LTB: variants seen among roughly 807,000 people sequenced by gnomAD.
LTB encodes the protein lymphotoxin-beta.
In LTB, 17 loss-of-function variants were observed where a neutral mutation model predicts 14.7. That is an observed-to-expected ratio of 1.16 (90% CI 0.79 to 1.73). The LOEUF (loss-of-function observed/expected upper bound fraction) is 1.73. Ranked by LOEUF, LTB falls within the 40% of genes most tolerant of loss-of-function variation. LTB has a pLI of 0.00. For missense variants in LTB, 288 were observed against 324.3 expected (o/e 0.89, Z 0.86); for synonymous variants, 163 against 157.3 (o/e 1.04, Z -0.27).
At position 31,581,610 on chromosome 6, in the gene LTB, C is replaced by G. The variant is rs1454662005; in HGVS notation, c.229G>C (p.Glu77Gln). Reference protein sequence around the residue: ...QGLGFQKLPEEEPETDLSPGL... With the variant: ...QGLGFQKLPEQEPETDLSPGL... ...GGGCTGAGATCTGTTTCTGGCTCCT[C>G]CTCTGGCAGCTTCTGAAACCCTGGA... is the stretch of plus-strand genomic sequence containing the variant. Residue 77 changes from glutamate to glutamine, a missense_variant, in exon 3 of 4, where the codon GAG becomes CAG. Transcript: ENST00000429299. The G allele has an allele frequency of 6.2e-6, 10 of 1,612,764 alleles. No individual in the cohort carries two copies. Among genetic ancestry groups the G allele is most frequent in the Non-Finnish European group, 7.6e-6 (9 of 1,179,984 alleles).
rs1274399710 is a variant in LTB, at chr6:31,581,539, C to G, written c.280+20G>C. 6.2e-7 allele frequency: 1 copy of G among 1,608,960 alleles called. No homozygotes were observed. Among genetic ancestry groups the G allele is most frequent in the Non-Finnish European group, 8.5e-7 (1 of 1,176,324 alleles). On this transcript the variant is annotated intron_variant, in intron 3 of 3. Coordinates refer to ENST00000429299, the MANE Select transcript of LTB (RefSeq NM_002341.2). The stretch of plus-strand genomic sequence containing the variant: ...CCTTCGGATTATTTACACTCTTATT[C>G]AGGTCTTGGAGGTCCTTACCTATGA...
At position 31,581,814 on chromosome 6, in the gene LTB, C is replaced by G. The variant is rs749816841; in HGVS notation, c.208G>C (p.Gly70Arg). 3.7e-6 allele frequency: 6 copies of G among 1,610,674 alleles called. No individual in the cohort carries two copies. The highest frequency in any genetic ancestry group is 1.7e-4 in the Middle Eastern group (1 of 6,048). ...DPGAQAQQGLGFQKLPEEEPE... is the reference protein window; with the variant it reads ...DPGAQAQQGLRFQKLPEEEPE... ...GGAAGGAGAGACAGTCTGCTCTTACCCAGTCCTTGCTGGGCCTGTGCCCCG... is the reference window on the plus strand; with the variant it reads ...GGAAGGAGAGACAGTCTGCTCTTACGCAGTCCTTGCTGGGCCTGTGCCCCG... The change falls in exon 2 of 4, where the codon GGG (glycine) becomes CGG (arginine). Residue 70 changes from glycine to arginine, a missense_variant and splice_region_variant. Gly to Arg is a moderately radical substitution (Grantham distance 125, BLOSUM62 -2). Around this residue, in one of 2 missense-constraint regions of LTB, gnomAD observed 284 missense variants for 299.2 expected, o/e 0.95. Coordinates refer to ENST00000429299, the MANE Select transcript of LTB (RefSeq NM_002341.2).
At chr6:31,582,182 C>T (rs1562487414) in intron 1 of LTB, 74 bp downstream of exon 1, 3 of 1,575,382 alleles carry the variant, frequency 1.9e-6, no homozygotes, top group Non-Finnish European at 1.7e-6. Flanking sequence ...GGGCAAAAGA[C>T]CACAGGCACA....
chr6:31,582,350 A>T lies in LTB; in HGVS notation c.68T>A (p.Val23Glu), dbSNP rs1367213677. 1 of 1,612,870 alleles carries T rather than the reference A, an allele frequency of 6.2e-7. No homozygotes were observed. The highest frequency in any genetic ancestry group is 1.7e-5 in the Admixed American group (1 of 60,000). ...GGTCACCAGAGAAGTGGCTCCTGCC[A>T]CAGCTAGCAGGAGGGAACCCCTCCC... ...LQGRGSLLLA[V>E]AGATSLVTLL... Residue 23 changes from valine (V) to glutamate (E), a missense_variant, in exon 1 of 4, where the codon GTG (valine) becomes GAG (glutamate). Val to Glu is a moderately radical substitution (Grantham distance 121). Transcript: ENST00000429299.
At chr6:31,582,113 G>A (rs1196109931) in intron 1 of LTB, 143 bp downstream of exon 1, 1 of 981,592 alleles carries the variant, frequency 1.0e-6, no homozygotes, top group South Asian at 1.5e-5. Context: ...CATGGAAAGA[G>A]AGTCAGCAAA....
chr6:31,580,667 G>C lies in LTB; in HGVS notation c.*42C>G, dbSNP rs748778397. The C allele has an allele frequency of 6.5e-7, 1 of 1,545,848 alleles. No homozygotes were observed. Among genetic ancestry groups the C allele is most frequent in the Non-Finnish European group, 8.8e-7 (1 of 1,134,822 alleles). Reference sequence around the variant, plus strand: ...CTGCCATGGGGTCCTGGGCGTCCGGGCCCCCAATATTCACGCACTCGCACC... The same window carrying C: ...CTGCCATGGGGTCCTGGGCGTCCGGCCCCCCAATATTCACGCACTCGCACC... On this transcript the variant is annotated 3_prime_UTR_variant, in exon 4 of 4. Coordinates refer to ENST00000429299, the MANE Select transcript of LTB (RefSeq NM_002341.2). This position sits in a 1 kb window ranked among gnomAD's most constrained non-coding sequence, Gnocchi z 6.6.
Position 31,581,183 on chromosome 6 carries a change from C to T in LTB, c.281-20G>A. On this transcript the variant is annotated intron_variant, in intron 3 of 3. Coordinates refer to ENST00000429299, the MANE Select transcript of LTB (RefSeq NM_002341.2). ...GAGCGCCTGCGGAGACACGGGCCGA[C>T]GCGCTCTTGGGAATGCGATCCTAAA... 6.6e-7 allele frequency: 1 copy of T among 1,514,900 alleles called. No individual in the cohort carries two copies. Among genetic ancestry groups the T allele is most frequent in the Non-Finnish European group, 8.8e-7 (1 of 1,133,916 alleles). 93.8% of individuals were successfully genotyped at this position (1,514,900 alleles called of 1,614,324 possible).
chr6:31,581,654 ATTGGGG>A (rs1771524500), intron 2 of LTB, 24 bp from the exon 3 acceptor site: 5 of 1,611,620 alleles, frequency 3.1e-6, no homozygotes, highest in African/African-American at 1.3e-5. Context: ...AGAGTCCACG[ATTGGGG>A]GCAGGGCAGC....
chr6:31,581,489 G>T, intron 3 of LTB, 70 bp downstream of exon 3: 1 of 1,434,678 alleles, frequency 7.0e-7, no homozygotes, highest in Non-Finnish European at 9.8e-7. Flanking sequence ...TGGAGCCGAA[G>T]GACTCTGGGC....
At position 31,580,988 on chromosome 6, in the gene LTB, G is replaced by A. The variant is rs1771457679; in HGVS notation, c.456C>T (p.Pro152=). 6.4e-7 allele frequency: 1 copy of A among 1,564,390 alleles called. No individual in the cohort carries two copies. The highest frequency in any genetic ancestry group is 1.4e-5 in the African/African-American group (1 of 73,644). The part of the protein sequence containing the change: ...RGRAPPGGGD[P]QGRSVTLRSS... ...TGCGCAGCGTGACCGAGCGGCCCTG[G>A]GGGTCCCCGCCGCCAGGGGGCGCCC... Residue 152 remains proline (P), a synonymous_variant, in exon 4 of 4, where the codon CCC becomes CCT. Transcript: ENST00000429299. This position sits in a 1 kb window ranked among gnomAD's most constrained non-coding sequence, Gnocchi z 6.6.
intron 1 of LTB, 155 bp downstream of exon 1, chr6:31,582,101 A>G (rs1771584445): frequency 1.1e-6 from 1 of 918,832 alleles, no homozygotes; most frequent in Non-Finnish European, 1.7e-6. Flanking sequence ...ACATCACAGG[A>G]ACATGGAAAG....
chr6:31,581,752 C>T (rs1176883613), intron 2 of LTB, 62 bp downstream of exon 2: 36 of 1,607,186 alleles, frequency 2.2e-5, no homozygotes, highest in Non-Finnish European at 2.9e-5. Flanking sequence ...TCTGGGGACG[C>T]AGCAGGGAGC....
chr6:31,581,845 G>A lies in LTB; in HGVS notation c.177C>T (p.Ala59=), dbSNP rs1351900891. 4 of 1,597,448 alleles carry A rather than the reference G, an allele frequency of 2.5e-6. No homozygotes were observed. Among genetic ancestry groups the A allele is most frequent in the African/African-American group, 2.7e-5 (2 of 74,258 alleles). Reference sequence around the variant, plus strand: ...CTTGCTGGGCCTGTGCCCCGGGGTCGGCCGTCTCCGTTACCTGGTTGGGTG... The same window carrying A: ...CTTGCTGGGCCTGTGCCCCGGGGTCAGCCGTCTCCGTTACCTGGTTGGGTG... ...QDQGGLVTET[A]DPGAQAQQGL... The change falls in exon 2 of 4, where the codon GCC becomes GCT. Residue 59 remains alanine, a synonymous_variant. Coordinates refer to ENST00000429299, the MANE Select transcript of LTB (RefSeq NM_002341.2).
rs572807966 is a variant in LTB at position 31,581,098 on chromosome 6, C to T, written c.346G>A (p.Gly116Arg). 6.2e-7 allele frequency: 1 copy of T among 1,607,366 alleles called. No homozygotes were observed. The highest frequency in any genetic ancestry group is 1.3e-5 in the African/African-American group (1 of 74,824). ...TTKEQAFLTS[G>R]TQFSDAEGLA... ...CCCTCGGCGTCCGAGAACTGCGTCCCGCTCGTCAGAAACGCCTGTTCCTTC... is the reference window on the plus strand; with the variant it reads ...CCCTCGGCGTCCGAGAACTGCGTCCTGCTCGTCAGAAACGCCTGTTCCTTC... Residue 116 changes from glycine (G) to arginine (R), a missense_variant, in exon 4 of 4, where the codon GGG becomes AGG. This residue lies in a region of LTB where 284 missense variants were observed against 299.2 expected (regional missense o/e 0.95). Coordinates refer to ENST00000429299, the MANE Select transcript of LTB (RefSeq NM_002341.2).
chr6:31,582,105 T>C (rs1771584725), intron 1 of LTB, 151 bp downstream of exon 1: 2 of 942,882 alleles, frequency 2.1e-6, no homozygotes, highest in Non-Finnish European at 3.3e-6. Flanking sequence ...CACAGGAACA[T>C]GGAAAGAGAG....
intron 3 of LTB, 114 bp downstream of exon 3, chr6:31,581,445 C>T: frequency 2.9e-6 from 3 of 1,018,582 alleles, no homozygotes; most frequent in Non-Finnish European, 4.6e-6. Context: ...GACAAAAGGT[C>T]GTGAAGCGGG....
Position 31,580,566 on chromosome 6 carries a change from C to T in LTB, c.*143G>A. ...TGTCGCAACTCAGCATCTTTATCGG[C>T]AGCACTGAAGCTTTCCATTCTTTAT... is the stretch of plus-strand genomic sequence containing the variant. On this transcript the variant is annotated 3_prime_UTR_variant, in exon 4 of 4. Transcript: ENST00000429299. This position sits in a 1 kb window ranked among gnomAD's most constrained non-coding sequence, Gnocchi z 6.6. 1 of 794,428 alleles carries T rather than the reference C, an allele frequency of 1.3e-6. No individual in the cohort carries two copies. Among genetic ancestry groups the T allele is most frequent in the Non-Finnish European group, 2.0e-6 (1 of 500,382 alleles). The allele number at this position is 794,428 out of a possible 1,614,324, so 49.2% of individuals were successfully genotyped here. A position where few individuals can be genotyped will look rare whatever the true frequency, so the allele number is the denominator to read the frequency against.
At position 31,580,784 on chromosome 6, in the gene LTB, G is replaced by A; in HGVS notation, c.660C>T (p.Tyr220=). ...CCATATCGGGGTGACTGATGTTGAC[G>A]TACACCCTCTCGCCCCTCCGGAGCT... The part of the protein sequence containing the change: ...LVQLRRGERV[Y]VNISHPDMVD... Residue 220 remains tyrosine (Y), a synonymous_variant, in exon 4 of 4, where the codon TAC becomes TAT. Transcript: ENST00000429299. The surrounding 1 kb of genome is among the most constrained non-coding windows in gnomAD (Gnocchi z 6.6). 3.1e-6 allele frequency: 5 copies of A among 1,612,992 alleles called. No homozygotes were observed. Among genetic ancestry groups the A allele is most frequent in the Non-Finnish European group, 4.2e-6 (5 of 1,180,022 alleles).
In LTB at chr6:31,581,843, T is replaced by G. The variant is rs1771547191; in HGVS notation, c.179A>C (p.Asp60Ala). The change falls in exon 2 of 4, where the codon GAC becomes GCC. Residue 60 changes from aspartate to alanine, a missense_variant. By Grantham distance (126) the Asp-to-Ala change is moderately radical. This residue lies in a region of LTB where 284 missense variants were observed against 299.2 expected (regional missense o/e 0.95). Transcript: ENST00000429299. Reference protein sequence around the residue: ...DQGGLVTETADPGAQAQQGLG... With the variant: ...DQGGLVTETAAPGAQAQQGLG... ...TCCTTGCTGGGCCTGTGCCCCGGGG[T>G]CGGCCGTCTCCGTTACCTGGTTGGG... 6.3e-7 allele frequency: 1 copy of G among 1,598,608 alleles called. No individual in the cohort carries two copies. The highest frequency in any genetic ancestry group is 8.5e-7 in the Non-Finnish European group (1 of 1,173,912).
Sources: allele counts gnomAD v4.1 joint callset, GRCh38; gene constraint gnomAD v4.1.1; regional missense constraint gnomAD v4.1.1; non-coding constraint Gnocchi (gnomAD v3.1); transcripts MANE v1.5; gene names NCBI Gene and HGNC (gene_info 2026-07-23, HGNC 2026-07-21).